Variants in FAM227A observed in about 807,000 individuals in gnomAD.
FAM227A encodes protein FAM227A.
Under a neutral mutation model 74.7 loss-of-function variants are expected in FAM227A, and 80 were observed. The ratio of observed to expected loss-of-function variants is 1.07; its 90% confidence interval spans 0.89 to 1.29. FAM227A has a LOEUF of 1.29. FAM227A is among the 50% of genes most tolerant of loss of function. The pLI, the probability that FAM227A is intolerant of heterozygous loss-of-function variation, is 0.00. For missense variants in FAM227A, 654 were observed against 683.4 expected (o/e 0.96, Z 0.48); for synonymous variants, 237 against 241.8 (o/e 0.98, Z 0.19).
At position 38,598,851 on chromosome 22, in the gene FAM227A, T is replaced by C. The variant is rs117304985; in HGVS notation, c.1379+913A>G. On this transcript the variant is annotated intron_variant, in intron 14 of 16. Coordinates refer to ENST00000535113, the MANE Select transcript of FAM227A (RefSeq NM_001013647.2). ...AGTTGGTTCCTGAGTCCAGGTGTGT[T>C]TGAACCAATAGACCAGTTTGATTCC... Among the ~76,000 whole-genome samples, 69 of 152,308 alleles carry C rather than the reference T, an allele frequency of 4.5e-4. 3 individuals are homozygous for C. In the East Asian group the frequency reaches 0.013, roughly 29 times the overall value.
Position 38,650,161 on chromosome 22 carries a change from T to C in FAM227A, c.8A>G (p.His3Arg). ...GTTGATGACCTCCATCTTCCTGAAGTGATTCATTGTCCAATTTCTTGTAAA... is the reference window on the plus strand; with the variant it reads ...GTTGATGACCTCCATCTTCCTGAAGCGATTCATTGTCCAATTTCTTGTAAA... MN[H>R]FRKMEVINLT... is the part of the protein sequence containing the mutation. Residue 3 changes from histidine to arginine, a missense_variant, in exon 2 of 17, where the codon CAC (histidine) becomes CGC (arginine). His to Arg is a conservative substitution (Grantham distance 29). Coordinates refer to ENST00000535113, the MANE Select transcript of FAM227A (RefSeq NM_001013647.2). 6.4e-7 allele frequency: 1 copy of C among 1,551,284 alleles called. No individual in the cohort carries two copies. The highest frequency in any genetic ancestry group is 8.7e-7 in the Non-Finnish European group (1 of 1,146,856).
intron 13 of FAM227A, among the ~76,000 whole-genome samples, chr22:38,601,196 A>T (rs2091169212): frequency 6.6e-6 from 1 of 152,144 alleles, no homozygotes. Flanking sequence ...TGATATGATG[A>T]ATACTAATAA....
At chr22:38,638,318 T>C (rs1014372073) in intron 5 of FAM227A, among the ~76,000 whole-genome samples, 2 of 152,188 alleles carry the variant, frequency 1.3e-5, no homozygotes, top group African/African-American at 2.4e-5. Flanking sequence ...GTGAGCTGCA[T>C]GACCCTGTGA....
chr22:38,613,342 CAT>C (rs1475387890), intron 11 of FAM227A, among the ~76,000 whole-genome samples: 1 of 15,168 alleles, frequency 6.6e-5, no homozygotes, highest in Non-Finnish European at 1.1e-4. Context: ...TAATATATAA[CAT>C]ATATTATATA....
Position 38,585,938 on chromosome 22 carries a change from C to A in FAM227A, c.*187G>T. ...TGAATAAATGTAGTGACCCAAGCACCAACTCTCTACTCCTGCTTTTCACTC... is the reference window on the plus strand; with the variant it reads ...TGAATAAATGTAGTGACCCAAGCACAAACTCTCTACTCCTGCTTTTCACTC... On this transcript the variant is annotated 3_prime_UTR_variant, in exon 17 of 17. Transcript: ENST00000535113. The A allele has an allele frequency of 7.3e-7, 1 of 1,364,520 alleles. No homozygotes were observed. The highest frequency in any genetic ancestry group is 9.8e-7 in the Non-Finnish European group (1 of 1,020,036). 84.5% of individuals were successfully genotyped at this position (1,364,520 alleles called of 1,614,324 possible).
chr22:38,586,516 G>A (rs1387057656), intron 16 of FAM227A, among the ~76,000 whole-genome samples: 2 of 152,104 alleles, frequency 1.3e-5, no homozygotes, highest in African/African-American at 4.8e-5. Context: ...CTCTGGTGAC[G>A]CTGAAAACCT....
chr22:38,641,794 A>G (rs1447513343), intron 3 of FAM227A, among the ~76,000 whole-genome samples: 1 of 152,144 alleles, frequency 6.6e-6, no homozygotes, highest in African/African-American at 2.4e-5. Flanking sequence ...TCTTAAGTGC[A>G]GTTAAAAATA....
At chr22:38,620,758 G>A (rs932596019) in intron 10 of FAM227A, among the ~76,000 whole-genome samples, 3 of 151,710 alleles carry the variant, frequency 2.0e-5, no homozygotes, top group Admixed American at 6.6e-5. Context: ...GCAGTGAGCC[G>A]AGATTGCGTC....
rs1359717918 is a variant in FAM227A at position 38,656,317 on chromosome 22, C to G, written c.-292G>C. 6.6e-6 allele frequency: 1 copy of G among 152,344 alleles called. No homozygotes were observed. The highest frequency in any genetic ancestry group is 1.5e-5 in the Non-Finnish European group (1 of 68,136). 9.4% of individuals were successfully genotyped at this position (152,344 alleles called of 1,614,324 possible). A position where few individuals can be genotyped will look rare whatever the true frequency, so the allele number is the denominator to read the frequency against. ...TTTTGCTACTCTGAGTCCAGGCGTT[C>G]TCTAGGCAACGCCGGCGCGGTCTCC... On this transcript the variant is annotated 5_prime_UTR_variant, in exon 1 of 17. Coordinates refer to ENST00000535113, the MANE Select transcript of FAM227A (RefSeq NM_001013647.2).
chr22:38,633,054 G>A (rs1026822156), intron 6 of FAM227A, among the ~76,000 whole-genome samples: 1 of 152,204 alleles, frequency 6.6e-6, no homozygotes, highest in African/African-American at 2.4e-5. Context: ...TCCTTGTGGA[G>A]CTCAGGGTTG....
chr22:38,586,187 C>T lies in FAM227A; in HGVS notation c.1651G>A (p.Gly551Arg), dbSNP rs2090803804. 3.2e-6 allele frequency: 5 copies of T among 1,551,146 alleles called. No homozygotes were observed. The highest frequency in any genetic ancestry group is 1.4e-5 in the African/African-American group (1 of 73,006). Residue 551 changes from glycine to arginine, a missense_variant, in exon 17 of 17, where the codon GGA becomes AGA. Physicochemically the swap from Gly to Arg is moderately radical, Grantham distance 125. Coordinates refer to ENST00000535113, the MANE Select transcript of FAM227A (RefSeq NM_001013647.2). ...PDKKTKEGKG[G>R]EGKRRETEVE... is the part of the protein sequence containing the mutation. ...TCTGTTTCTCTTCTCTTTCCCTCTCCTCCTTTCCCCTCCTGTGGGGGAAAC... is the reference window on the plus strand; with the variant it reads ...TCTGTTTCTCTTCTCTTTCCCTCTCTTCCTTTCCCCTCCTGTGGGGGAAAC...
chr22:38,594,125 G>C (rs762136177), intron 15 of FAM227A, among the ~76,000 whole-genome samples: 10 of 152,120 alleles, frequency 6.6e-5, no homozygotes, highest in Non-Finnish European at 1.5e-4. Flanking sequence ...CACGTCCCAG[G>C]CTCTGCCTTC....
At chr22:38,589,589 A>C (rs1339048980) in intron 16 of FAM227A, among the ~76,000 whole-genome samples, 1 of 152,196 alleles carries the variant, frequency 6.6e-6, no homozygotes, top group African/African-American at 2.4e-5. Flanking sequence ...AAAAGGACTC[A>C]TACCAAGGTA....
rs2092219545 is a variant in FAM227A at position 38,645,551 on chromosome 22, T to C, written c.225+12A>G. The stretch of plus-strand genomic sequence containing the variant: ...CAGAAGCTTTGTCTCAGCTCCAGCA[T>C]AGGTAACTCACCAGGCTGTTGGCCG... On this transcript the variant is annotated intron_variant, in intron 3 of 16. Coordinates refer to ENST00000535113, the MANE Select transcript of FAM227A (RefSeq NM_001013647.2). 6 of 1,546,914 alleles carry C rather than the reference T, an allele frequency of 3.9e-6. No individual in the cohort carries two copies. The highest frequency in any genetic ancestry group is 2.0e-5 in the Admixed American group (1 of 50,952).
At chr22:38,644,901 A>C (rs928041439) in intron 3 of FAM227A, among the ~76,000 whole-genome samples, 4 of 151,670 alleles carry the variant, frequency 2.6e-5, no homozygotes, top group Admixed American at 6.6e-5. Context: ...CAGCCTGACC[A>C]ACATGGTGGA....
chr22:38,625,270 T>C (rs1421721192), intron 9 of FAM227A, among the ~76,000 whole-genome samples: 1 of 151,464 alleles, frequency 6.6e-6, no homozygotes, highest in African/African-American at 2.4e-5. Flanking sequence ...GCACCTATAG[T>C]CCCAGCTACT....
In FAM227A at chr22:38,645,587, A is replaced by G; in HGVS notation, c.201T>C (p.Arg67=). 6.4e-7 allele frequency: 1 copy of G among 1,551,444 alleles called. No homozygotes were observed. The highest frequency in any genetic ancestry group is 8.7e-7 in the Non-Finnish European group (1 of 1,146,868). Residue 67 remains arginine (R), a synonymous_variant, in exon 3 of 17, where the codon CGT becomes CGC. Coordinates refer to ENST00000535113, the MANE Select transcript of FAM227A (RefSeq NM_001013647.2). ...VNQKIADINL[R]TEPSANSLAI... ...CCAGGCTGTTGGCCGACGGCTCGGTACGCAGATTTATGTCAGCAATCTTTT... is the reference window on the plus strand; with the variant it reads ...CCAGGCTGTTGGCCGACGGCTCGGTGCGCAGATTTATGTCAGCAATCTTTT...
intron 9 of FAM227A, among the ~76,000 whole-genome samples, chr22:38,623,813 G>T (rs1293327839): frequency 6.6e-6 from 1 of 152,132 alleles, no homozygotes; most frequent in African/African-American, 2.4e-5. Context: ...AAATACAGTA[G>T]GTGCTTAGTA....
rs551380246 is a variant in FAM227A, at chr22:38,650,096, C to A, written c.73G>T (p.Ala25Ser). ...LPMIPVDEHL[A>S]VSLVARNTMV... ...GTATTCCGTGCGACAAGCGAGACAG[C>A]CAGGTGCTCATCCACTGGTATCATA... The change falls in exon 2 of 17, where the codon GCT (alanine) becomes TCT (serine). Residue 25 changes from alanine to serine, a missense_variant. Transcript: ENST00000535113. 31 of 1,551,946 alleles carry A rather than the reference C, an allele frequency of 2.0e-5. 2 individuals carry two copies. In the South Asian group the frequency reaches 3.6e-4, roughly 18 times the overall value.
Sources: gnomAD v4.1 joint callset for allele counts (sites outside exome capture counted in the v4.1 genomes callset) on GRCh38, gnomAD v4.1.1 for gene constraint, MANE v1.5 for transcripts, NCBI Gene and HGNC (gene_info 2026-07-23, HGNC 2026-07-21) for gene names.